Variants in PRPF4 observed in about 807,000 individuals in gnomAD.
The protein encoded by PRPF4 is U4/U6 small nuclear ribonucleoprotein Prp4.
Under a neutral mutation model 72.2 loss-of-function variants are expected in PRPF4, and 14 were observed. That is an observed-to-expected ratio of 0.19 (90% confidence interval 0.13 to 0.30). The LOEUF (loss-of-function observed/expected upper bound fraction) is 0.30. Ranked by LOEUF, PRPF4 falls within the 10% of genes least tolerant of loss-of-function variation. PRPF4 has a pLI of 1.00. For synonymous variants in PRPF4, 225 were observed against 232.2 expected (o/e 0.97, Z 0.28); for missense variants, 478 against 653.9 (o/e 0.73, Z 2.93).
chr9:113,276,774 C>T (rs368303132), intron 2 of PRPF4, 49 bp downstream of exon 2: 21 of 1,522,490 alleles, frequency 1.4e-5, no homozygotes, highest in Non-Finnish European at 7.1e-6. Flanking sequence ...GTAATGAATA[C>T]CTTTCTAAAC....
intron 7 of PRPF4, among the ~76,000 whole-genome samples, chr9:113,285,904 A>G (rs1435685062): frequency 6.6e-6 from 1 of 152,064 alleles, no homozygotes; most frequent in Admixed American, 6.6e-5. Flanking sequence ...GCAAAATACT[A>G]TTCATATTTA....
intron 6 of PRPF4, among the ~76,000 whole-genome samples, chr9:113,283,929 G>A (rs1045771061): frequency 3.9e-5 from 6 of 152,020 alleles, no homozygotes; most frequent in African/African-American, 1.2e-4. Context: ...TTTGCCAGGT[G>A]TGATAGCATG....
Position 113,290,502 on chromosome 9 carries a change from T to A in PRPF4, c.1059T>A (p.Ala353=). 1 of 1,614,204 alleles carries A rather than the reference T, an allele frequency of 6.2e-7. No individual in the cohort carries two copies. Among genetic ancestry groups the A allele is most frequent in the South Asian group, 1.1e-5 (1 of 91,092 alleles). Residue 353 remains alanine (A), a synonymous_variant, in exon 11 of 14, where the codon GCT becomes GCA. Coordinates refer to ENST00000374198, the MANE Select transcript of PRPF4 (RefSeq NM_001244926.2). ...CATGGCGCTTATGGGATTTGGAGGCTCAAGAGGAGATCCTGCATCAGGAAG... is the reference window on the plus strand; with the variant it reads ...CATGGCGCTTATGGGATTTGGAGGCACAAGAGGAGATCCTGCATCAGGAAG... The part of the protein sequence containing the change: ...DRSWRLWDLE[A]QEEILHQEGH...
In PRPF4 at chr9:113,291,471, C is replaced by A. The variant is rs758781708; in HGVS notation, c.1377C>A (p.Ile459=). ...TCCCCTTCTCTTCTCCTGTAGCTAT[C>A]CATGGGAACTTCTTGCTTACTGGTG... is the stretch of plus-strand genomic sequence containing the variant. ...NLVTGVKFEP[I]HGNFLLTGAY... Residue 459 remains isoleucine, a synonymous_variant, in exon 14 of 14, where the codon ATC becomes ATA. Transcript: ENST00000374198. The A allele has an allele frequency of 2.5e-6, 4 of 1,612,060 alleles. No homozygotes were observed. Among genetic ancestry groups the A allele is most frequent in the Non-Finnish European group, 3.4e-6 (4 of 1,178,236 alleles).
At position 113,291,848 on chromosome 9, in the gene PRPF4, A is replaced by T. The variant is rs1025784364; in HGVS notation, c.*188A>T. ...CAGCCCAATCCCTAGGTGATGGGGAACCCCTCTCACGGTTGAAAATTTATT... is the reference window on the plus strand; with the variant it reads ...CAGCCCAATCCCTAGGTGATGGGGATCCCCTCTCACGGTTGAAAATTTATT... On this transcript the variant is annotated 3_prime_UTR_variant, in exon 14 of 14. Transcript: ENST00000374198. 5.2e-6 allele frequency: 3 copies of T among 575,322 alleles called. No individual in the cohort carries two copies. The East Asian group carries it at 8.9e-5, about 17-fold the overall frequency. 35.6% of individuals were successfully genotyped at this position (575,322 alleles called of 1,614,324 possible).
In PRPF4 at chr9:113,276,745, C is replaced by A; in HGVS notation, c.205+20C>A. 6.3e-7 allele frequency: 1 copy of A among 1,585,930 alleles called. No individual in the cohort carries two copies. ...CCTCTGGTAAGATGCAAATTGTGAG[C>A]CCATCTTTACCTCTTTGTGTAATGA... On this transcript the variant is annotated intron_variant, in intron 2 of 13. Transcript: ENST00000374198.
chr9:113,279,418 C>T (rs1348042929), intron 3 of PRPF4, among the ~76,000 whole-genome samples: 1 of 152,148 alleles, frequency 6.6e-6, no homozygotes, highest in African/African-American at 2.4e-5. Flanking sequence ...GGCTTGAGTG[C>T]AGCGTCGTGA....
chr9:113,282,473 AAAAG>A (rs1379645983), intron 3 of PRPF4, among the ~76,000 whole-genome samples, 169 bp from the exon 4 acceptor site: 2 of 92,946 alleles, frequency 2.2e-5, no homozygotes, highest in African/African-American at 3.6e-5. Context: ...TCATCTCTTA[AAAAG>A]AAAAAAAAAA....
rs1318419741 is a variant in PRPF4 at position 113,288,241 on chromosome 9, A to G, written c.999A>G (p.Ser333=). 6.2e-7 allele frequency: 1 copy of G among 1,614,216 alleles called. No homozygotes were observed. The change falls in exon 10 of 14, where the codon TCA becomes TCG. Residue 333 remains serine (S), a synonymous_variant. Transcript: ENST00000374198. ...TGGCGCGGGTAATGTGGCATCCTTCAGGACGTTTCCTGGGCACCACCTGGT... is the reference window on the plus strand; with the variant it reads ...TGGCGCGGGTAATGTGGCATCCTTCGGGACGTTTCCTGGGCACCACCTGGT... The part of the protein sequence containing the change: ...VRVARVMWHP[S]GRFLGTTCYD...
intron 2 of PRPF4, 95 bp downstream of exon 2, chr9:113,276,820 A>G (rs1832114586): frequency 2.1e-6 from 3 of 1,412,380 alleles, no homozygotes; most frequent in Non-Finnish European, 2.9e-6. Flanking sequence ...AAAAAATTAC[A>G]ATTTTTTTTT....
intron 9 of PRPF4, 98 bp downstream of exon 9, chr9:113,286,926 A>G (rs1832466266): frequency 1.9e-6 from 3 of 1,558,580 alleles, no homozygotes; most frequent in African/African-American, 2.7e-5. Context: ...CATTTAGGCC[A>G]TGCGCAGTGG....
intron 3 of PRPF4, among the ~76,000 whole-genome samples, chr9:113,282,045 A>C (rs1484916209): frequency 6.6e-6 from 1 of 152,136 alleles, no homozygotes; most frequent in Non-Finnish European, 1.5e-5. Context: ...AAGTGGTAGC[A>C]GTGTAGGGGC....
chr9:113,285,168 A>G (rs1832398597), intron 7 of PRPF4, among the ~76,000 whole-genome samples: 1 of 151,334 alleles, frequency 6.6e-6, no homozygotes. Flanking sequence ...TAGATATAAA[A>G]GTAATTTGTT....
intron 13 of PRPF4, 57 bp from the exon 14 acceptor site, chr9:113,291,410 G>C (rs1832605049): frequency 1.3e-6 from 2 of 1,504,074 alleles, no homozygotes; most frequent in East Asian, 2.3e-5. Flanking sequence ...TTGTGCTTTT[G>C]TCTTCTCTTT....
At chr9:113,286,085 C>G (rs1832442078) in intron 7 of PRPF4, 147 bp from the exon 8 acceptor site, 5 of 881,222 alleles carry the variant, frequency 5.7e-6, no homozygotes, top group Non-Finnish European at 8.9e-6. Flanking sequence ...CTTCTATAAC[C>G]CTTCTAACTA....
intron 10 of PRPF4, among the ~76,000 whole-genome samples, chr9:113,290,200 A>T (rs1340518050): frequency 6.6e-6 from 1 of 151,850 alleles, no homozygotes; most frequent in Non-Finnish European, 1.5e-5. Context: ...AGGCTGGGCA[A>T]CAGAGTGAGA....
chr9:113,290,158 T>C (rs7847295), intron 10 of PRPF4, among the ~76,000 whole-genome samples: 34,730 of 151,460 alleles, frequency 0.23, 4,754 homozygotes, highest in South Asian at 0.38. Flanking sequence ...AGGTGGAGGT[T>C]GCAGTGAGCC....
At position 113,279,048 on chromosome 9, in the gene PRPF4, T is replaced by C. The variant is rs1319673744; in HGVS notation, c.309T>C (p.Asp103=). The C allele has an allele frequency of 2.5e-6, 4 of 1,614,244 alleles. No individual in the cohort carries two copies. Among genetic ancestry groups the C allele is most frequent in the Non-Finnish European group, 3.4e-6 (4 of 1,180,044 alleles). Residue 103 remains aspartate, a synonymous_variant, in exon 3 of 14, where the codon GAT becomes GAC. Transcript: ENST00000374198. ...CCCGGCAGATCAATGTTTCCACAGA[T>C]GACTCAGAGGTCAAAGCTTGCCTTA... ...KRARQINVST[D]DSEVKACLRA... is the part of the protein sequence containing the mutation.
At chr9:113,276,845 T>C (rs1373699492) in intron 2 of PRPF4, 120 bp downstream of exon 2, 1 of 1,146,912 alleles carries the variant, frequency 8.7e-7, no homozygotes, top group Non-Finnish European at 1.2e-6. Context: ...AAACAGAGTC[T>C]CGCTCTGTCG....
Sources: allele counts gnomAD v4.1 joint callset (sites outside exome capture counted in the v4.1 genomes callset), GRCh38; gene constraint gnomAD v4.1.1; transcripts MANE v1.5; gene names NCBI Gene and HGNC (gene_info 2026-07-23, HGNC 2026-07-21).